RIPOR2: variants seen among roughly 807,000 people sequenced by gnomAD.
The protein encoded by RIPOR2 is RHO family interacting cell polarization regulator 2.
Under a neutral mutation model 114.5 loss-of-function variants are expected in RIPOR2, and 39 were observed. That is an observed-to-expected ratio of 0.34 (90% CI 0.26 to 0.44). RIPOR2 has a LOEUF of 0.44. Among genes scored for constraint, RIPOR2 ranks in the 20% least tolerant of loss-of-function variants. RIPOR2 has a pLI of 1.00. For missense variants in RIPOR2, 1,007 were observed against 1,255.1 expected (o/e 0.80, Z 2.99); for synonymous variants, 445 against 484.4 (o/e 0.92, Z 1.07).
chr6:24,907,814 C>CAT (rs1394599666), intron 1 of RIPOR2, among the ~76,000 whole-genome samples: 3 of 152,178 alleles, frequency 2.0e-5, no homozygotes, highest in Admixed American at 2.0e-4. Context: ...GATGAAAAGG[C>CAT]ATATGCTCAT....
chr6:24,913,859 A>G (rs1769859539), intron 1 of RIPOR2, among the ~76,000 whole-genome samples: 1 of 152,064 alleles, frequency 6.6e-6, no homozygotes, highest in South Asian at 2.1e-4. Flanking sequence ...TTTTAACCTC[A>G]TCCAGGGAAA....
chr6:24,879,032 G>A (rs1049236996), intron 1 of RIPOR2, among the ~76,000 whole-genome samples: 2 of 138,720 alleles, frequency 1.4e-5, no homozygotes, highest in South Asian at 4.5e-4. Context: ...GGGGAATAAT[G>A]CTCAGAAACT....
intron 1 of RIPOR2, among the ~76,000 whole-genome samples, chr6:24,912,530 A>AG (rs34884243): frequency 0.78 from 118,375 of 151,112 alleles, 47,085 homozygotes; most frequent in African/African-American, 0.93. Context: ...CCAGATGCCT[A>AG]CACCTTCCAC....
chr6:24,811,047 C>T (rs1005898337), intron 20 of RIPOR2, among the ~76,000 whole-genome samples: 1 of 151,956 alleles, frequency 6.6e-6, no homozygotes, highest in Non-Finnish European at 1.5e-5. Context: ...TCAGGTGATC[C>T]ACCGGCCTCA....
intron 1 of RIPOR2, among the ~76,000 whole-genome samples, chr6:25,005,139 C>T (rs981071752): frequency 6.6e-6 from 1 of 152,058 alleles, no homozygotes; most frequent in Non-Finnish European, 1.5e-5. Context: ...AATTTCTCTG[C>T]CTATTTCCCT....
chr6:24,946,626 A>G (rs961853584), intron 1 of RIPOR2, among the ~76,000 whole-genome samples: 1 of 151,738 alleles, frequency 6.6e-6, no homozygotes, highest in Non-Finnish European at 1.5e-5. Context: ...CAGATCTCAC[A>G]TTGAGCAGAG....
chr6:25,022,531 C>CTTTTTTT (rs1561848668), intron 1 of RIPOR2, among the ~76,000 whole-genome samples: 4 of 64,510 alleles, frequency 6.2e-5, no homozygotes, highest in Non-Finnish European at 1.4e-4. Flanking sequence ...TGGTACCTTC[C>CTTTTTTT]ATTTTTTTTT....
At chr6:24,877,428 TC>T in intron 1 of RIPOR2, 1 of 850,246 alleles carries the variant, frequency 1.2e-6, no homozygotes, top group Non-Finnish European at 1.4e-6. Flanking sequence ...GAGATGCAAA[TC>T]CCATACTAGC....
In RIPOR2 at chr6:24,969,055, GA is replaced by G. The variant is rs1773658044; in HGVS notation, c.76+72795del. ...TAGACAAGCGATATAAAGTGCTTGTGAAAAAGCCCTTAGGTATTCTAGGGCA... is the reference window on the plus strand; with the variant it reads ...TAGACAAGCGATATAAAGTGCTTGTGAAAAGCCCTTAGGTATTCTAGGGCA... On this transcript the variant is annotated intron_variant, in intron 1 of 13. Coordinates refer to the RIPOR2 transcript ENST00000510784. Among the ~76,000 whole-genome samples the G allele has an allele frequency of 3.3e-5, 5 of 152,248 alleles. 1 individual carries two copies. The South Asian group carries it at 1.0e-3, about 32-fold the overall frequency.
At chr6:24,823,000 C>A (rs1759833938) in intron 19 of RIPOR2, among the ~76,000 whole-genome samples, 1 of 152,276 alleles carries the variant, frequency 6.6e-6, no homozygotes, top group East Asian at 1.9e-4. Flanking sequence ...TCTGACCAGT[C>A]CTGGATAATT....
At chr6:24,886,240 C>CA (rs765949063) in intron 1 of RIPOR2, among the ~76,000 whole-genome samples, 44 of 152,256 alleles carry the variant, frequency 2.9e-4, no homozygotes, top group Non-Finnish European at 5.4e-4. Flanking sequence ...AGATGTGATG[C>CA]AAATTTACTC....
At position 24,965,793 on chromosome 6, in the gene RIPOR2, T is replaced by C. The variant is rs1773503941; in HGVS notation, c.76+76058A>G. On this transcript the variant is annotated intron_variant, in intron 1 of 13. Transcript: ENST00000510784. Reference sequence around the variant, plus strand: ...TATTATAATGAAAACACTATTTTTATTTACACCTAAGTCTAGAAATTGAAT... The same window carrying C: ...TATTATAATGAAAACACTATTTTTACTTACACCTAAGTCTAGAAATTGAAT... Among the ~76,000 whole-genome samples the C allele has an allele frequency of 3.9e-5, 6 of 152,360 alleles. No individual in the cohort carries two copies. The South Asian group carries it at 1.2e-3, about 32-fold the overall frequency.
At chr6:24,866,941 G>A (rs1338685333) in intron 6 of RIPOR2, among the ~76,000 whole-genome samples, 4 of 152,092 alleles carry the variant, frequency 2.6e-5, no homozygotes, top group Non-Finnish European at 5.9e-5. Flanking sequence ...TAAGAGTCCC[G>A]TTTTGTTCTG....
chr6:25,021,673 G>A (rs6930521), intron 1 of RIPOR2, among the ~76,000 whole-genome samples: 117,923 of 152,130 alleles, frequency 0.78, 46,135 homozygotes, highest in African/African-American at 0.87. Context: ...ATAAAAGACT[G>A]CAAATTGGGC....
At chr6:24,847,968 G>T in intron 12 of RIPOR2, 57 bp downstream of exon 12, 2 of 1,605,566 alleles carry the variant, frequency 1.2e-6, no homozygotes, top group Non-Finnish European at 1.7e-6. Flanking sequence ...TCAAATGCTG[G>T]GTGCAAGCAC....
intron 11 of RIPOR2, 80 bp from the exon 12 acceptor site, chr6:24,848,234 T>C: frequency 7.0e-7 from 1 of 1,424,098 alleles, no homozygotes. Context: ...AGAGAGTACC[T>C]CATTATATAA....
intron 1 of RIPOR2, chr6:25,015,448 C>A (rs1259179242): frequency 6.6e-6 from 1 of 152,218 alleles, no homozygotes; most frequent in Non-Finnish European, 1.5e-5. Context: ...AAGGGAAGAG[C>A]AGCATCATCT....
chr6:24,938,642 A>T (rs1482591103), upstream of RIPOR2, among the ~76,000 whole-genome samples: 1 of 152,192 alleles, frequency 6.6e-6, no homozygotes, highest in Non-Finnish European at 1.5e-5. Context: ...ATGGGGATAG[A>T]GAATGAGAAG....
At chr6:24,876,010 G>A (rs1185092748) in intron 1 of RIPOR2, among the ~76,000 whole-genome samples, 193 bp from the exon 2 acceptor site, 1 of 152,142 alleles carries the variant, frequency 6.6e-6, no homozygotes. Flanking sequence ...CCCATCTATG[G>A]CCAGGTGCGG....
Sources: gnomAD v4.1 joint callset for allele counts (sites outside exome capture counted in the v4.1 genomes callset) on GRCh38, gnomAD v4.1.1 for gene constraint, MANE v1.5 for transcripts, NCBI Gene and HGNC (gene_info 2026-07-23, HGNC 2026-07-21) for gene names.